KCNH5: variants seen among roughly 807,000 people sequenced by gnomAD.
The protein encoded by KCNH5 is voltage-gated delayed rectifier potassium channel KCNH5.
Under a neutral mutation model 96.1 loss-of-function variants are expected in KCNH5, and 46 were observed. The observed-to-expected ratio is 0.48, with a 90% CI of 0.38 to 0.61. The LOEUF is 0.61. KCNH5 is among the 20% of genes least tolerant of loss of function. KCNH5 has a pLI of 0.00. For missense variants in KCNH5, 907 were observed against 1,225.8 expected (o/e 0.74, Z 3.88); for synonymous variants, 439 against 449.8 (o/e 0.98, Z 0.30).
At chr14:62,851,498 T>TAAA (rs35528081) in intron 7 of KCNH5, among the ~76,000 whole-genome samples, 17 of 114,182 alleles carry the variant, frequency 1.5e-4, no homozygotes, top group South Asian at 4.0e-4. Context: ...AGGTCTTTCC[T>TAAA]AAAAAAAAAA....
chr14:62,781,289 T>C (rs1436016385), intron 9 of KCNH5, among the ~76,000 whole-genome samples: 1 of 152,108 alleles, frequency 6.6e-6, no homozygotes, highest in Admixed American at 6.5e-5. Flanking sequence ...GGTAATAGAA[T>C]ATCACAAGGC....
rs1338944436 is a variant in KCNH5, at chr14:62,699,955, C to A, written c.*7553G>T. The A allele has an allele frequency of 6.6e-6, 1 of 152,146 alleles. No homozygotes were observed. 9.4% of individuals were successfully genotyped at this position (152,146 alleles called of 1,614,324 possible). On this transcript the variant is annotated 3_prime_UTR_variant, in exon 11 of 11. Transcript: ENST00000322893. ...TTTTGCATTGTTTCCTTTGTCAATG[C>A]ATGAATCAATTATTTCTGGTGAATT...
chr14:62,887,720 T>C (rs1033581971), intron 7 of KCNH5, among the ~76,000 whole-genome samples: 2 of 152,146 alleles, frequency 1.3e-5, no homozygotes. Context: ...GGAGCTGCCC[T>C]TGATGTGCCA....
intron 5 of KCNH5, among the ~76,000 whole-genome samples, chr14:62,984,599 T>C (rs1361628124): frequency 1.3e-5 from 2 of 152,228 alleles, no homozygotes; most frequent in African/African-American, 4.8e-5. Flanking sequence ...TCTAAGAGCA[T>C]GCGCTGCAGG....
At chr14:62,895,733 T>C (rs1316637681) in intron 7 of KCNH5, among the ~76,000 whole-genome samples, 1 of 152,140 alleles carries the variant, frequency 6.6e-6, no homozygotes, top group African/African-American at 2.4e-5. Context: ...ACATTGAAAG[T>C]TAACAAAAGC....
At chr14:62,956,618 T>G (rs1890109222) in intron 6 of KCNH5, among the ~76,000 whole-genome samples, 1 of 145,836 alleles carries the variant, frequency 6.9e-6, no homozygotes. Flanking sequence ...CATCCCATGA[T>G]ATTTGGTGGG....
At chr14:62,901,364 C>A (rs1384783427) in intron 7 of KCNH5, among the ~76,000 whole-genome samples, 2 of 152,000 alleles carry the variant, frequency 1.3e-5, no homozygotes, top group African/African-American at 4.8e-5. Context: ...AGTTTTCCAA[C>A]CCTTGCCCCC....
intron 4 of KCNH5, among the ~76,000 whole-genome samples, chr14:62,988,879 T>A (rs1045926374): frequency 2.6e-5 from 4 of 151,882 alleles, no homozygotes. Context: ...ACTCAACATG[T>A]CCAAAACTGA....
chr14:62,790,684 C>A (rs952927423), intron 9 of KCNH5, among the ~76,000 whole-genome samples: 1 of 150,856 alleles, frequency 6.6e-6, no homozygotes, highest in Non-Finnish European at 1.5e-5. Context: ...TTTCTGTGTA[C>A]AGATATTTTA....
At chr14:62,897,535 A>G (rs1018272398) in intron 7 of KCNH5, among the ~76,000 whole-genome samples, 2 of 152,174 alleles carry the variant, frequency 1.3e-5, no homozygotes, top group East Asian at 3.9e-4. Flanking sequence ...ATGGGGGGAA[A>G]AAAAACTGCA....
chr14:62,812,498 A>T (rs1021718194), intron 8 of KCNH5, among the ~76,000 whole-genome samples: 1 of 152,178 alleles, frequency 6.6e-6, no homozygotes, highest in Non-Finnish European at 1.5e-5. Context: ...AGAGGTTAGC[A>T]TTTGATAAAT....
intron 1 of KCNH5, among the ~76,000 whole-genome samples, chr14:63,028,610 CT>C (rs551391544): frequency 2.2e-4 from 34 of 151,832 alleles, no homozygotes; most frequent in Non-Finnish European, 4.3e-4. Flanking sequence ...AATTCTGTCT[CT>C]TTTTTTTGCT....
chr14:62,847,578 C>T (rs1340681542), intron 8 of KCNH5, among the ~76,000 whole-genome samples: 1 of 152,166 alleles, frequency 6.6e-6, no homozygotes, highest in Non-Finnish European at 1.5e-5. Flanking sequence ...TAGTCAAAAA[C>T]AACTTTAAGG....
chr14:62,974,015 A>G (rs572218845), intron 6 of KCNH5, among the ~76,000 whole-genome samples: 134 of 152,350 alleles, frequency 8.8e-4, no homozygotes, highest in Middle Eastern at 3.4e-3. Flanking sequence ...TATACAGGAT[A>G]AAGTGAAATG....
At chr14:62,961,792 G>A (rs1272414339) in intron 6 of KCNH5, among the ~76,000 whole-genome samples, 2 of 152,032 alleles carry the variant, frequency 1.3e-5, no homozygotes, top group African/African-American at 4.8e-5. Flanking sequence ...AGATGGAGAT[G>A]CAGATGCAGA....
chr14:63,009,180 T>A (rs1891180725), intron 2 of KCNH5, among the ~76,000 whole-genome samples: 1 of 151,808 alleles, frequency 6.6e-6, no homozygotes, highest in African/African-American at 2.4e-5. Context: ...AGGATAAAAA[T>A]TATCAAAAAT....
intron 7 of KCNH5, among the ~76,000 whole-genome samples, chr14:62,906,393 A>G (rs1889028582): frequency 6.6e-6 from 1 of 152,212 alleles, no homozygotes. Context: ...CTAATGAAAT[A>G]GTGATTGAGC....
chr14:62,882,578 A>C (rs1888515669), intron 7 of KCNH5, among the ~76,000 whole-genome samples: 1 of 152,228 alleles, frequency 6.6e-6, no homozygotes, highest in Non-Finnish European at 1.5e-5. Context: ...TTGTGGTTCT[A>C]ATCCATGCTA....
intron 4 of KCNH5, among the ~76,000 whole-genome samples, chr14:62,996,082 C>T (rs907351543): frequency 2.4e-4 from 36 of 152,110 alleles, no homozygotes; most frequent in African/African-American, 8.5e-4. Context: ...TGTCATCGCA[C>T]CCATTATTTC....
Sources: gnomAD v4.1 joint callset for allele counts (sites outside exome capture counted in the v4.1 genomes callset) on GRCh38, gnomAD v4.1.1 for gene constraint, MANE v1.5 for transcripts, NCBI Gene and HGNC (gene_info 2026-07-23, HGNC 2026-07-21) for gene names.